LRRC43: variants seen among roughly 807,000 people sequenced by gnomAD.
LRRC43 encodes the protein leucine rich repeat containing 43.
A neutral mutation model predicts 64.3 loss-of-function variants in LRRC43; 62 were observed. The ratio of observed to expected loss-of-function variants is 0.96; its 90% CI spans 0.79 to 1.19. The LOEUF (loss-of-function observed/expected upper bound fraction) is 1.19, where lower values mean the gene tolerates loss of function less well. Ranked by LOEUF, LRRC43 falls within the 50% of genes most tolerant of loss-of-function variation. The pLI, the probability that LRRC43 is intolerant of heterozygous loss-of-function variation, is 0.00. For missense variants in LRRC43, 868 were observed against 845.0 expected (o/e 1.03, Z -0.34); for synonymous variants, 422 against 382.3 (o/e 1.10, Z -1.21).
In LRRC43 at chr12:122,190,127, C is replaced by T. The variant is rs1335941920; in HGVS notation, c.663-3C>T. 6.2e-7 allele frequency: 1 copy of T among 1,613,632 alleles called. No homozygotes were observed. Among genetic ancestry groups the T allele is most frequent in the East Asian group, 2.2e-5 (1 of 44,894 alleles). On this transcript the variant is annotated splice_region_variant and splice_polypyrimidine_tract_variant and intron_variant, in intron 4 of 11. Coordinates refer to ENST00000339777, the MANE Select transcript of LRRC43 (RefSeq NM_001098519.2). ...CCCCCAGACGGTCCTGCTCACCTTCCAGGCCCAACCTCGTCTCCCTGGACC... is the reference window on the plus strand; with the variant it reads ...CCCCCAGACGGTCCTGCTCACCTTCTAGGCCCAACCTCGTCTCCCTGGACC...
chr12:122,179,919 C>T (rs557730252), upstream of LRRC43, among the ~76,000 whole-genome samples: 5 of 143,452 alleles, frequency 3.5e-5, no homozygotes, highest in South Asian at 4.4e-4. Flanking sequence ...TGCGGTGAGC[C>T]GAGATTGCGC....
At chr12:122,175,736 G>A (rs1340888287) in intron 1 of LRRC43, among the ~76,000 whole-genome samples, 4 of 151,480 alleles carry the variant, frequency 2.6e-5, no homozygotes, top group Non-Finnish European at 2.9e-5. Flanking sequence ...GCACGATCTC[G>A]GCTCACTGCA....
At chr12:122,174,262 T>A in intron 1 of LRRC43, 2 of 1,491,878 alleles carry the variant, frequency 1.3e-6, no homozygotes, top group Non-Finnish European at 1.9e-6. Flanking sequence ...AGGGCCAGGG[T>A]GAGGAGAAAG....
rs539683247 is a variant in LRRC43 at position 122,175,696 on chromosome 12, C to T, written c.-406+7914C>T. Among the ~76,000 whole-genome samples the T allele has an allele frequency of 5.3e-5, 8 of 151,312 alleles. No homozygotes were observed. In the South Asian group the frequency reaches 1.3e-3, roughly 24 times the overall value. The stretch of plus-strand genomic sequence containing the variant: ...TTTTTTCTTTTTTGAGACAGAGTTT[C>T]GCTCTTGTTGCCCAGGCTGGAGTGC... On this transcript the variant is annotated intron_variant, in intron 1 of 5. Transcript: ENST00000537729.
intron 2 of LRRC43, among the ~76,000 whole-genome samples, chr12:122,185,169 T>C (rs1329388951): frequency 6.6e-6 from 1 of 152,164 alleles, no homozygotes; most frequent in Non-Finnish European, 1.5e-5. Flanking sequence ...ATTCTTTGTT[T>C]ACATCAGTAG....
At chr12:122,191,588 A>G in intron 6 of LRRC43, 21 bp downstream of exon 6, 1 of 1,604,384 alleles carries the variant, frequency 6.2e-7, no homozygotes, top group Non-Finnish European at 8.5e-7. Flanking sequence ...GTCTGTCCCT[A>G]GGAGTATGGG....
intron 1 of LRRC43, among the ~76,000 whole-genome samples, chr12:122,175,279 C>G (rs542171574): frequency 6.6e-6 from 1 of 151,962 alleles, no homozygotes; most frequent in East Asian, 1.9e-4. Flanking sequence ...AAGCAATTCT[C>G]TTGCCTCAGC....
At chr12:122,182,863 T>C (rs1370992707), upstream of LRRC43, 4 of 446,618 alleles carry the variant, frequency 9.0e-6, no homozygotes, top group Non-Finnish European at 1.6e-5. Flanking sequence ...CCTTTCTCCA[T>C]CTGTCAGATG....
In LRRC43 at chr12:122,190,138, T is replaced by G. The variant is rs1020056907; in HGVS notation, c.671T>G (p.Leu224Arg). 2 of 1,613,804 alleles carry G rather than the reference T, an allele frequency of 1.2e-6. No individual in the cohort carries two copies. Among genetic ancestry groups the G allele is most frequent in the African/African-American group, 2.7e-5 (2 of 74,862 alleles). Residue 224 changes from leucine (L) to arginine (R), a missense_variant, in exon 5 of 12, where the codon CTC becomes CGC. Leu to Arg is a moderately radical substitution (Grantham distance 102, BLOSUM62 -2). Coordinates refer to ENST00000339777, the MANE Select transcript of LRRC43 (RefSeq NM_001098519.2). ...LYVTANHWPN[L>R]VSLDLGFNDL... ...TCCTGCTCACCTTCCAGGCCCAACC[T>G]CGTCTCCCTGGACCTGGGCTTCAAC...
rs1039606311 is a variant in LRRC43, at chr12:122,184,922, A to G, written c.411+143A>G. The G allele has an allele frequency of 3.3e-6, 3 of 911,166 alleles. No individual in the cohort carries two copies. In the Admixed American group the frequency reaches 7.5e-5, roughly 23 times the overall value. 56.4% of individuals were successfully genotyped at this position (911,166 alleles called of 1,614,324 possible). A position where few individuals can be genotyped will look rare whatever the true frequency, so the allele number is the denominator to read the frequency against. On this transcript the variant is annotated intron_variant, in intron 2 of 11. Transcript: ENST00000339777. The surrounding 1 kb of genome is among the most constrained non-coding windows in gnomAD (Gnocchi z 4.0). ...GGCCAGCCTGCCCTCCATCTGCTTCATCTCCCTGGCTTGTGTGCCAGGCAG... is the reference window on the plus strand; with the variant it reads ...GGCCAGCCTGCCCTCCATCTGCTTCGTCTCCCTGGCTTGTGTGCCAGGCAG...
intron 2 of LRRC43, 105 bp from the exon 3 acceptor site, chr12:122,186,085 A>G (rs1953640026): frequency 1.5e-6 from 1 of 679,290 alleles, no homozygotes; most frequent in Non-Finnish European, 2.7e-6. Context: ...AAGGGAGGGG[A>G]AGTAACTCTG....
chr12:122,198,719 T>C (rs1459448031), intron 7 of LRRC43, among the ~76,000 whole-genome samples: 1 of 135,304 alleles, frequency 7.4e-6, no homozygotes, highest in African/African-American at 2.8e-5. Flanking sequence ...AACCTCCACC[T>C]CCCAGGTTCA....
At chr12:122,177,851 A>ATTT (rs1186545561) in intron 1 of LRRC43, among the ~76,000 whole-genome samples, 1 of 57,972 alleles carries the variant, frequency 1.7e-5, no homozygotes, top group Non-Finnish European at 3.9e-5. Context: ...TTTATTTATT[A>ATTT]TTTTGAGATG....
In LRRC43 at chr12:122,172,280, A is replaced by G. The variant is rs1474309766; in HGVS notation, c.-406+4498A>G. 1.5e-5 allele frequency: 10 copies of G among 667,464 alleles called. No individual in the cohort carries two copies. The South Asian group carries it at 1.5e-4, about 10-fold the overall frequency. The allele number at this position is 667,464 out of a possible 1,614,324, so 41.3% of individuals were successfully genotyped here. On this transcript the variant is annotated intron_variant, in intron 1 of 5. Transcript: ENST00000537729. Reference sequence around the variant, plus strand: ...ATCTCAGCCCTCCCGGGACTAGCCCATATGAGGGGTCCCTGAGATTATTCA... The same window carrying G: ...ATCTCAGCCCTCCCGGGACTAGCCCGTATGAGGGGTCCCTGAGATTATTCA...
At chr12:122,193,100 G>A in intron 7 of LRRC43, 96 bp downstream of exon 7, 1 of 1,368,832 alleles carries the variant, frequency 7.3e-7, no homozygotes, top group East Asian at 2.5e-5. Flanking sequence ...CCTGAGGCTG[G>A]CGGGGCGCGG....
In LRRC43 at chr12:122,184,594, C is replaced by T. The variant is rs1953619165; in HGVS notation, c.226C>T (p.Pro76Ser). The change falls in exon 2 of 12, where the codon CCC (proline) becomes TCC (serine). Residue 76 changes from proline to serine, a missense_variant. Coordinates refer to ENST00000339777, the MANE Select transcript of LRRC43 (RefSeq NM_001098519.2). This position sits in a 1 kb window ranked among gnomAD's most constrained non-coding sequence, Gnocchi z 4.0. ...CCCCAGAGAGGAGGATGTGGTGAGC[C>T]CCGGAGAGGAGACGGTGGAGGCCCT... ...LVPREEDVVS[P>S]GEETVEALLG... 1 of 1,613,840 alleles carries T rather than the reference C, an allele frequency of 6.2e-7. No individual in the cohort carries two copies. Among genetic ancestry groups the T allele is most frequent in the African/African-American group, 1.3e-5 (1 of 75,004 alleles).
intron 10 of LRRC43, 135 bp from the exon 11 acceptor site, chr12:122,201,161 G>A: frequency 1.9e-6 from 2 of 1,074,978 alleles, no homozygotes; most frequent in Non-Finnish European, 1.4e-6. Flanking sequence ...ATGGGCTGGG[G>A]CAGCCACCCT....
chr12:122,185,272 A>C (rs1457965490), intron 2 of LRRC43, among the ~76,000 whole-genome samples: 8 of 152,094 alleles, frequency 5.3e-5, no homozygotes, highest in African/African-American at 1.4e-4. Flanking sequence ...TCTAGGTGTT[A>C]GAGGCCCAGC....
intron 1 of LRRC43, among the ~76,000 whole-genome samples, chr12:122,175,580 G>A (rs758731030): frequency 3.3e-5 from 5 of 149,846 alleles, no homozygotes; most frequent in African/African-American, 1.2e-4. Context: ...CACAACTCAC[G>A]GCAGCCCCGA....
Sources: allele counts gnomAD v4.1 joint callset (sites outside exome capture counted in the v4.1 genomes callset), GRCh38; gene constraint gnomAD v4.1.1; non-coding constraint Gnocchi (gnomAD v3.1); transcripts MANE v1.5; gene names NCBI Gene and HGNC (gene_info 2026-07-23, HGNC 2026-07-21).